The following GLDC variants were observed in gnomAD, a reference collection of about 807,000 sequenced individuals.
The protein encoded by GLDC is glycine dehydrogenase (decarboxylating), mitochondrial.
GLDC carries 104 observed loss-of-function variants against 121.3 expected under a neutral mutation model. That is an observed-to-expected ratio of 0.86 (90% CI 0.73 to 1.01). GLDC has a LOEUF of 1.01. Ranked by LOEUF, GLDC falls within the 50% of genes least tolerant of loss-of-function variation. GLDC has a pLI of 0.00. For missense variants in GLDC, 1,429 were observed against 1,306.6 expected, an observed-to-expected ratio of 1.09 and a Z score of -1.44; for synonymous variants, 546 against 480.6, an observed-to-expected ratio of 1.14 and a Z score of -1.78.
rs544931802 is a variant in GLDC, at chr9:6,556,815, A to T, written c.2053-513T>A. Among the ~76,000 whole-genome samples, 20 of 152,212 alleles carry T rather than the reference A, an allele frequency of 1.3e-4. 1 individual carries two copies. The highest frequency in any genetic ancestry group is 3.3e-4 in the Admixed American group (5 of 15,300). The stretch of plus-strand genomic sequence containing the variant: ...CGTCAAAAAAAAAAAAGAAAAAAGA[A>T]AAAAAGAAATAATAAGATCCTTTCA... On this transcript the variant is annotated intron_variant, in intron 17 of 24. Coordinates refer to ENST00000321612, the MANE Select transcript of GLDC (RefSeq NM_000170.3).
intron 2 of GLDC, chr9:6,639,019 A>T: frequency 2.0e-6 from 1 of 502,786 alleles, no homozygotes; most frequent in Admixed American, 3.3e-5. Flanking sequence ...AGAAAAAAAA[A>T]AAAAGTATAT....
At chr9:6,537,101 G>A (rs1031282907) in intron 22 of GLDC, among the ~76,000 whole-genome samples, 2 of 151,174 alleles carry the variant, frequency 1.3e-5, no homozygotes, top group African/African-American at 4.9e-5. Flanking sequence ...CACACTCACG[G>A]CTCACTGCAG....
intron 5 of GLDC, chr9:6,606,149 TAG>T (rs2129901583): frequency 5.1e-6 from 1 of 196,060 alleles, no homozygotes; most frequent in Non-Finnish European, 1.0e-5. Flanking sequence ...CTACTAAAAA[TAG>T]AAAAAAAATT....
At chr9:6,568,946 G>T (rs1329967897) in intron 15 of GLDC, 1 of 152,250 alleles carries the variant, frequency 6.6e-6, no homozygotes, top group Non-Finnish European at 1.5e-5. Context: ...TGGGGAAATT[G>T]AGCAGACAAC....
At position 6,589,205 on chromosome 9, in the gene GLDC, C is replaced by G. The variant is rs751362463; in HGVS notation, c.1570G>C (p.Val524Leu). The G allele has an allele frequency of 5.6e-6, 9 of 1,593,222 alleles. No individual in the cohort carries two copies. The highest frequency in any genetic ancestry group is 5.0e-5 in the Admixed American group (3 of 59,978). The change falls in exon 12 of 25, where the codon GTG becomes CTG. Residue 524 changes from valine to leucine, a missense_variant. Transcript: ENST00000321612. The part of the protein sequence containing the change: ...KRTSPFLTHQ[V>L]FNSYHSETNI... ...ACAAGACACACAAACCTGTTGAACACTTGATGGGTGAGGAACGGGCTGGTC... is the reference window on the plus strand; with the variant it reads ...ACAAGACACACAAACCTGTTGAACAGTTGATGGGTGAGGAACGGGCTGGTC...
intron 15 of GLDC, among the ~76,000 whole-genome samples, chr9:6,576,250 CAG>C (rs1436877698): frequency 1.3e-5 from 2 of 152,164 alleles, no homozygotes; most frequent in Non-Finnish European, 2.9e-5. Context: ...TAGAAGCCAG[CAG>C]ACTTAGTGTC....
chr9:6,644,640 C>G lies in GLDC; in HGVS notation c.308G>C (p.Arg103Thr). Residue 103 changes from arginine to threonine, a missense_variant, in exon 2 of 25, where the codon AGA (arginine) becomes ACA (threonine). By Grantham distance (71) the Arg-to-Thr change is moderately conservative. Coordinates refer to ENST00000321612, the MANE Select transcript of GLDC (RefSeq NM_000170.3). ...KTVPANIRLK[R>T]PLKMEDPVCE... ...AACAGGGTCTTCCATTTTCAAGGGT[C>G]TTTTCAAACGGATGTTGGCAGGGAC... The G allele has an allele frequency of 3.7e-6, 6 of 1,613,274 alleles. No individual in the cohort carries two copies. Among genetic ancestry groups the G allele is most frequent in the Non-Finnish European group, 5.1e-6 (6 of 1,179,248 alleles).
chr9:6,629,438 C>T (rs1406077279), intron 2 of GLDC, among the ~76,000 whole-genome samples: 1 of 152,064 alleles, frequency 6.6e-6, no homozygotes, highest in African/African-American at 2.4e-5. Flanking sequence ...TGGTCTTGAA[C>T]TCCTGACCTC....
At chr9:6,629,955 A>ATTTTTTTT (rs1367658538) in intron 2 of GLDC, among the ~76,000 whole-genome samples, 5 of 84,402 alleles carry the variant, frequency 5.9e-5, no homozygotes, top group Admixed American at 1.2e-4. Flanking sequence ...GTATATATAT[A>ATTTTTTTT]TATTTTTTTT....
At chr9:6,592,497 C>A (rs1369972534) in intron 10 of GLDC, among the ~76,000 whole-genome samples, 2 of 152,182 alleles carry the variant, frequency 1.3e-5, no homozygotes. Flanking sequence ...TCTTTTTCTT[C>A]CCTTAACCCA....
At chr9:6,561,377 G>C (rs549179358) in intron 16 of GLDC, among the ~76,000 whole-genome samples, 24 of 152,294 alleles carry the variant, frequency 1.6e-4, no homozygotes, top group East Asian at 7.7e-4. Flanking sequence ...GGCCGGGCGA[G>C]GTTGCTCATG....
intron 15 of GLDC, among the ~76,000 whole-genome samples, chr9:6,584,807 G>T (rs890816934): frequency 1.3e-5 from 2 of 152,212 alleles, no homozygotes; most frequent in Non-Finnish European, 2.9e-5. Context: ...GGGAATCTCA[G>T]GAACTGGAGA....
intron 15 of GLDC, among the ~76,000 whole-genome samples, chr9:6,566,738 C>G (rs1385380233): frequency 6.6e-6 from 1 of 152,018 alleles, no homozygotes; most frequent in Admixed American, 6.5e-5. Flanking sequence ...GTCTGCGAAG[C>G]TGAAGGCAAA....
chr9:6,610,736 A>T (rs1587965383), intron 3 of GLDC, among the ~76,000 whole-genome samples: 1 of 152,160 alleles, frequency 6.6e-6, no homozygotes, highest in African/African-American at 2.4e-5. Context: ...AGTGGCTGGG[A>T]CAACAAGCAC....
chr9:6,535,982 G>A, intron 23 of GLDC, 82 bp downstream of exon 23: 1 of 1,142,498 alleles, frequency 8.8e-7, no homozygotes, highest in Non-Finnish European at 1.3e-6. Context: ...TCAGTTGAGA[G>A]TTCGGGAGTT....
At chr9:6,559,424 A>C (rs912100300) in intron 16 of GLDC, among the ~76,000 whole-genome samples, 9 of 148,960 alleles carry the variant, frequency 6.0e-5, no homozygotes, top group South Asian at 4.3e-4. Context: ...CTGAGGCAGG[A>C]GAATTGGTTT....
chr9:6,537,122 C>T (rs1018645568), intron 22 of GLDC, among the ~76,000 whole-genome samples: 2 of 151,626 alleles, frequency 1.3e-5, no homozygotes, highest in Non-Finnish European at 2.9e-5. Context: ...CCTCAACCTC[C>T]TGGGCTCAAG....
Position 6,611,992 on chromosome 9 carries a change from C to T in GLDC, c.471-1636G>A, listed in dbSNP as rs368805309. 7.6e-5 allele frequency among the ~76,000 whole-genome samples: 8 copies of T among 105,014 alleles called. No homozygotes were observed. In the East Asian group the frequency reaches 1.1e-3, roughly 14 times the overall value. 68.9% of individuals were successfully genotyped at this position (105,014 alleles called of 152,430 possible). On this transcript the variant is annotated intron_variant, in intron 3 of 24. Coordinates refer to ENST00000321612, the MANE Select transcript of GLDC (RefSeq NM_000170.3). The stretch of plus-strand genomic sequence containing the variant: ...GATCTTGTCTGATTCAAGATCACAA[C>T]TGCCTGCCTGTTGTCTATGCCTTTT...
intron 7 of GLDC, among the ~76,000 whole-genome samples, chr9:6,604,148 G>C (rs1219454374): frequency 6.6e-6 from 1 of 152,048 alleles, no homozygotes; most frequent in Admixed American, 6.6e-5. Flanking sequence ...TGGAAATTTG[G>C]AAATTACTCA....
Sources: gnomAD v4.1 joint callset for allele counts (sites outside exome capture counted in the v4.1 genomes callset) on GRCh38, gnomAD v4.1.1 for gene constraint, MANE v1.5 for transcripts, NCBI Gene and HGNC (gene_info 2026-07-23, HGNC 2026-07-21) for gene names.